SCAPER: variants seen among roughly 807,000 people sequenced by gnomAD.
The protein encoded by SCAPER is S phase cyclin A-associated protein in the endoplasmic reticulum.
A neutral mutation model predicts 182.2 loss-of-function variants in SCAPER; 98 were observed. That is an observed-to-expected ratio of 0.54 (90% CI 0.46 to 0.64). The LOEUF is 0.64. SCAPER is among the 30% of genes least tolerant of loss of function. The probability of loss-of-function intolerance (pLI) is 0.00; values close to 1 mark genes in which losing one functional copy is unlikely to be tolerated. For missense variants in SCAPER, 1,432 were observed against 1,690.0 expected (o/e 0.85, Z 2.68); for synonymous variants, 605 against 564.6 (o/e 1.07, Z -1.01).
chr15:76,861,254 C>A (rs1240082113), intron 3 of SCAPER, among the ~76,000 whole-genome samples: 2 of 152,150 alleles, frequency 1.3e-5, no homozygotes, highest in African/African-American at 4.8e-5. Context: ...AACTATCTTA[C>A]CACAAATTAC....
chr15:76,805,272 T>C (rs893759198), intron 5 of SCAPER, among the ~76,000 whole-genome samples: 1 of 152,202 alleles, frequency 6.6e-6, no homozygotes, highest in Non-Finnish European at 1.5e-5. Context: ...TTCAATTCTC[T>C]TGGGTATATA....
intron 4 of SCAPER, among the ~76,000 whole-genome samples, chr15:76,849,766 C>G (rs2070519916): frequency 6.6e-6 from 1 of 152,192 alleles, no homozygotes; most frequent in African/African-American, 2.4e-5. Context: ...CGTTCTCACG[C>G]TGCTATGAAG....
At chr15:76,818,267 C>T (rs931448612) in intron 5 of SCAPER, among the ~76,000 whole-genome samples, 1 of 152,174 alleles carries the variant, frequency 6.6e-6, no homozygotes, top group Non-Finnish European at 1.5e-5. Context: ...AATCTAGACA[C>T]AGAACTTATA....
chr15:76,458,421 CACATATATATACACAT>C (rs1055520633), intron 25 of SCAPER, among the ~76,000 whole-genome samples: 1 of 151,708 alleles, frequency 6.6e-6, no homozygotes, highest in African/African-American at 2.4e-5. Context: ...CACACACACA[CACATATATATACACAT>C]ATATACACAC....
chr15:76,774,919 G>C lies in SCAPER; in HGVS notation c.971C>G (p.Thr324Ser). 1 of 1,613,676 alleles carries C rather than the reference G, an allele frequency of 6.2e-7. No homozygotes were observed. Among genetic ancestry groups the C allele is most frequent in the Non-Finnish European group, 8.5e-7 (1 of 1,179,692 alleles). Residue 324 changes from threonine to serine, a missense_variant, in exon 9 of 32, where the codon ACT becomes AGT. Thr to Ser is a moderately conservative substitution (Grantham distance 58). Coordinates refer to ENST00000563290, the MANE Select transcript of SCAPER (RefSeq NM_020843.4). ...TGAGTCTTTGGGATGAGATTCTATA[G>C]TATTAGAAGTTCCATCTCCAACAAA... is the stretch of plus-strand genomic sequence containing the variant. ...GQFVGDGTSNTIESHPKDSLH... is the reference protein window; with the variant it reads ...GQFVGDGTSNSIESHPKDSLH...
intron 25 of SCAPER, among the ~76,000 whole-genome samples, chr15:76,441,635 C>T (rs2047609048): frequency 6.6e-6 from 1 of 152,142 alleles, no homozygotes; most frequent in Admixed American, 6.6e-5. Context: ...CCCCAGGTAA[C>T]CTCATGACTA....
chr15:76,452,376 T>C (rs1349847535), intron 25 of SCAPER, among the ~76,000 whole-genome samples: 1 of 152,250 alleles, frequency 6.6e-6, no homozygotes, highest in Non-Finnish European at 1.5e-5. Context: ...ACCTGGCTAC[T>C]GGGATTGCCC....
chr15:76,678,755 G>A (rs934826609), intron 20 of SCAPER, among the ~76,000 whole-genome samples: 1 of 152,124 alleles, frequency 6.6e-6, no homozygotes, highest in Middle Eastern at 3.4e-3. Context: ...AAAACAAAGG[G>A]CATTTTTAGA....
intron 1 of SCAPER, among the ~76,000 whole-genome samples, chr15:76,889,788 C>A (rs147338510): frequency 0.033 from 5,010 of 152,170 alleles, 121 homozygotes; most frequent in Middle Eastern, 0.054. Flanking sequence ...CAAGGATATC[C>A]AGGACTTGAA....
chr15:76,666,095 C>CACAA (rs2056552209), intron 20 of SCAPER, among the ~76,000 whole-genome samples: 1 of 152,104 alleles, frequency 6.6e-6, no homozygotes, highest in South Asian at 2.1e-4. Context: ...ACTATAATAT[C>CACAA]ATCTATAATA....
intron 8 of SCAPER, among the ~76,000 whole-genome samples, chr15:76,778,015 T>C (rs568447707): frequency 3.3e-5 from 5 of 152,282 alleles, no homozygotes; most frequent in East Asian, 1.9e-4. Context: ...TAATGAATAC[T>C]ATACTGATAG....
chr15:76,539,997 G>A (rs1189517171), intron 23 of SCAPER, among the ~76,000 whole-genome samples: 2 of 152,140 alleles, frequency 1.3e-5, no homozygotes, highest in Non-Finnish European at 2.9e-5. Context: ...TAGGGAAACA[G>A]TTAAATAAGT....
chr15:76,670,706 T>C (rs2056951941), intron 20 of SCAPER, among the ~76,000 whole-genome samples: 1 of 152,222 alleles, frequency 6.6e-6, no homozygotes, highest in Non-Finnish European at 1.5e-5. Context: ...TTAACTGAAA[T>C]ATTGGTATTA....
chr15:76,527,160 G>A lies in SCAPER; in HGVS notation c.2839-22186C>T, dbSNP rs1349057382. ...CAAAGTGGTGGGATTACAGGCGCGA[G>A]CCATCACGCCCAACCCAGACAGTTT... On this transcript the variant is annotated intron_variant, in intron 23 of 31. Coordinates refer to ENST00000563290, the MANE Select transcript of SCAPER (RefSeq NM_020843.4). 2.0e-5 allele frequency among the ~76,000 whole-genome samples: 3 copies of A among 152,170 alleles called. No individual in the cohort carries two copies. In the East Asian group the frequency reaches 5.8e-4, roughly 29 times the overall value.
At chr15:76,512,456 A>T (rs969315671) in intron 23 of SCAPER, among the ~76,000 whole-genome samples, 12 of 151,858 alleles carry the variant, frequency 7.9e-5, no homozygotes, top group African/African-American at 2.7e-4. Flanking sequence ...ACATCTCTCA[A>T]CTCAAAAACA....
At chr15:76,642,545 C>T (rs992700331) in intron 21 of SCAPER, among the ~76,000 whole-genome samples, 2 of 152,052 alleles carry the variant, frequency 1.3e-5, no homozygotes, top group African/African-American at 4.8e-5. Context: ...GTAATATAAG[C>T]TTTTATCACT....
intron 29 of SCAPER, among the ~76,000 whole-genome samples, chr15:76,361,549 A>G (rs2041421345): frequency 6.6e-6 from 1 of 152,260 alleles, no homozygotes; most frequent in Non-Finnish European, 1.5e-5. Context: ...GGCCTAGAGT[A>G]GACTGAAATC....
At chr15:76,885,345 G>C (rs1043161532) in intron 1 of SCAPER, among the ~76,000 whole-genome samples, 1 of 152,054 alleles carries the variant, frequency 6.6e-6, no homozygotes, top group Admixed American at 6.6e-5. Flanking sequence ...CAATCACACT[G>C]GCCTCCTTAT....
intron 22 of SCAPER, among the ~76,000 whole-genome samples, chr15:76,583,692 G>T (rs1388450357): frequency 6.6e-6 from 1 of 152,126 alleles, no homozygotes; most frequent in African/African-American, 2.4e-5. Flanking sequence ...ATTGATAACA[G>T]AAAAATGCAA....
Sources: allele counts gnomAD v4.1 joint callset (sites outside exome capture counted in the v4.1 genomes callset), GRCh38; gene constraint gnomAD v4.1.1; transcripts MANE v1.5; gene names NCBI Gene and HGNC (gene_info 2026-07-23, HGNC 2026-07-21).